PDHA1: variants seen among roughly 807,000 people sequenced by gnomAD.
PDHA1 encodes the protein pyruvate dehydrogenase E1 component subunit alpha, somatic form, mitochondrial.
Under a neutral mutation model 33.0 loss-of-function variants are expected in PDHA1, and 1 was observed. That is an observed-to-expected ratio of 0.03 (90% CI 0.01 to 0.14). The LOEUF (loss-of-function observed/expected upper bound fraction) is 0.14. PDHA1 is among the 10% of genes least tolerant of loss of function. PDHA1 has a pLI of 1.00. For synonymous variants in PDHA1, 123 were observed against 119.2 expected (o/e 1.03, Z -0.21); for missense variants, 168 against 325.1 (o/e 0.52, Z 3.72).
At chrX:19,357,884 G>T (rs1291012413) in intron 9 of PDHA1, among the ~76,000 whole-genome samples, 165 bp downstream of exon 9, 2 of 112,632 alleles carry the variant, frequency 1.8e-5, no homozygotes, top group African/African-American at 3.2e-5. Flanking sequence ...CTCCTAATAA[G>T]AAAGCTTTCT....
intron 9 of PDHA1, among the ~76,000 whole-genome samples, chrX:19,358,668 C>T (rs183984681): frequency 7.4e-4 from 83 of 111,891 alleles, no homozygotes; most frequent in African/African-American, 1.8e-3. Context: ...CACCAGTGTA[C>T]GGTTTTCTAG....
chrX:19,350,682 C>T (rs908631164), intron 3 of PDHA1, among the ~76,000 whole-genome samples: 1 of 112,541 alleles, frequency 8.9e-6, no homozygotes, highest in Non-Finnish European at 1.9e-5. Context: ...TAGAGTTTTA[C>T]TATTTTAAAA....
chrX:19,350,181 A>C (rs372144541), intron 3 of PDHA1, 71 bp downstream of exon 3: 355 of 748,002 alleles, frequency 4.7e-4, no homozygotes, highest in Middle Eastern at 3.0e-4. Context: ...ATTGGGCTTT[A>C]CCCTGCCATA....
In PDHA1 at chrX:19,357,600, T is replaced by TTCTTCCAGTC. The variant is rs2063212421; in HGVS notation, c.832-51_832-42dup. 4.8e-6 allele frequency: 5 copies of TTCTTCCAGTC among 1,034,686 alleles called. No individual in the cohort carries two copies. The East Asian group carries it at 1.5e-4, about 31-fold the overall frequency. The allele number at this position is 1,034,686 out of a possible 1,213,427, so 85.3% of individuals were successfully genotyped here. A position where few individuals can be genotyped will look rare whatever the true frequency, so the allele number is the denominator to read the frequency against. On this transcript the variant is annotated intron_variant, in intron 8 of 10. Transcript: ENST00000422285. ...TTTGAGGCCGTGGATTGCCGGCCTG[T>TTCTTCCAGTC]TCTTCCAGTCATCGTTCCTAACTAA... is the stretch of plus-strand genomic sequence containing the variant.
intron 5 of PDHA1, 112 bp downstream of exon 5, chrX:19,353,285 A>G (rs2063174862): frequency 1.7e-6 from 1 of 594,594 alleles, no homozygotes; most frequent in African/African-American, 2.2e-5. Flanking sequence ...CATGTGCTGC[A>G]CAGTGACGCT....
chrX:19,358,687 G>A (rs527736015), intron 9 of PDHA1, among the ~76,000 whole-genome samples: 2 of 112,100 alleles, frequency 1.8e-5, no homozygotes, highest in African/African-American at 3.2e-5. Context: ...AGAAAAGACA[G>A]AAGCAGTTAT....
chrX:19,360,968 CAGT>C lies in PDHA1; in HGVS notation c.*1321_*1323del. ...TATGGAGGTGACGCTCGTGTCCCAGCAGTAGTAGGACATGGCCTTAGAGGTACG... is the reference window on the plus strand; with the variant it reads ...TATGGAGGTGACGCTCGTGTCCCAGCAGTAGGACATGGCCTTAGAGGTACG... On this transcript the variant is annotated 3_prime_UTR_variant, in exon 11 of 11. Transcript: ENST00000422285. 1 of 467,812 alleles carries C rather than the reference CAGT, an allele frequency of 2.1e-6. No individual in the cohort carries two copies. The highest frequency in any genetic ancestry group is 3.6e-6 in the Non-Finnish European group (1 of 278,671). The allele number at this position is 467,812 out of a possible 1,213,427, so 38.6% of individuals were successfully genotyped here. A position where few individuals can be genotyped will look rare whatever the true frequency, so the allele number is the denominator to read the frequency against.
intron 10 of PDHA1, 58 bp downstream of exon 10, chrX:19,359,082 G>C (rs764557720): frequency 4.3e-6 from 3 of 703,990 alleles, no homozygotes; most frequent in African/African-American, 2.1e-5. Flanking sequence ...CCACCCCTGG[G>C]TGGCCACAGA....
chrX:19,360,557 C>A lies in PDHA1; in HGVS notation c.*904C>A. 1 of 372,641 alleles carries A rather than the reference C, an allele frequency of 2.7e-6. No homozygotes were observed. The allele number at this position is 372,641 out of a possible 1,213,427, so 30.7% of individuals were successfully genotyped here. A position where few individuals can be genotyped will look rare whatever the true frequency, so the allele number is the denominator to read the frequency against. ...AGGCTCACTGTTTTCACAATACACA[C>A]AGTTCTATGTTTATAAATAACAGGT... On this transcript the variant is annotated 3_prime_UTR_variant, in exon 11 of 11. Coordinates refer to ENST00000422285, the MANE Select transcript of PDHA1 (RefSeq NM_000284.4).
intron 1 of PDHA1, among the ~76,000 whole-genome samples, chrX:19,347,012 T>C (rs2063138831): frequency 9.0e-6 from 1 of 110,553 alleles, no homozygotes; most frequent in South Asian, 3.8e-4. Context: ...AGTGGCACAG[T>C]CATAGCTCAC....
chrX:19,356,959 C>T (rs753431182), intron 8 of PDHA1, among the ~76,000 whole-genome samples: 1 of 111,966 alleles, frequency 8.9e-6, no homozygotes, highest in South Asian at 3.7e-4. Flanking sequence ...TCCAGACTCC[C>T]AGCAGAGCCT....
rs2063189739 is a variant in PDHA1, at chrX:19,355,481, G to A, written c.736G>A (p.Gly246Ser). 1 of 1,211,168 alleles carries A rather than the reference G, an allele frequency of 8.3e-7. No individual in the cohort carries two copies. The highest frequency in any genetic ancestry group is 1.7e-5 in the African/African-American group (1 of 57,459). Residue 246 changes from glycine (G) to serine (S), a missense_variant, in exon 7 of 11, where the codon GGC becomes AGC. Coordinates refer to ENST00000422285, the MANE Select transcript of PDHA1 (RefSeq NM_000284.4). ...AGCCAGCACTGATTACTACAAGAGA[G>A]GCGATTTCATTCCTGGGCTGAGAGT... ...AAASTDYYKRGDFIPGLRVDG... is the reference protein window; with the variant it reads ...AAASTDYYKRSDFIPGLRVDG...
chrX:19,355,226 T>C lies in PDHA1; in HGVS notation c.604-123T>C, dbSNP rs1030342833. The C allele has an allele frequency of 1.7e-5, 15 of 869,262 alleles. No homozygotes were observed. In the Admixed American group the frequency reaches 3.3e-4, roughly 19 times the overall value. 71.6% of individuals were successfully genotyped at this position (869,262 alleles called of 1,213,427 possible). A position where few individuals can be genotyped will look rare whatever the true frequency, so the allele number is the denominator to read the frequency against. On this transcript the variant is annotated intron_variant, in intron 6 of 10. Transcript: ENST00000422285. ...TTCCCTCACCACCCAAAGCTCGGTT[T>C]TAGAAGAGGAGGCTTTCTGTGCTTT... is the stretch of plus-strand genomic sequence containing the variant.
Position 19,360,497 on chromosome X carries a change from A to G in PDHA1, c.*844A>G, listed in dbSNP as rs1042453. On this transcript the variant is annotated 3_prime_UTR_variant, in exon 11 of 11. Transcript: ENST00000422285. ...AGCCTCCTGCATAGCTGGGACTACA[A>G]GTGAATTTCCTAATATTCCGGGAGG... The G allele has an allele frequency of 0.13, 36,231 of 282,893 alleles. 6,084 individuals are homozygous for G. Among genetic ancestry groups the G allele is most frequent in the African/African-American group, 0.65 (22,822 of 34,857 alleles). The allele number at this position is 282,893 out of a possible 1,213,427, so 23.3% of individuals were successfully genotyped here.
chrX:19,357,530 G>A, intron 8 of PDHA1, 122 bp from the exon 9 acceptor site: 1 of 588,514 alleles, frequency 1.7e-6, no homozygotes, highest in Non-Finnish European at 3.1e-6. Context: ...TGACAACTCA[G>A]AAGATCTGAT....
chrX:19,351,189 A>G (rs960962559), intron 3 of PDHA1, 92 bp from the exon 4 acceptor site: 3 of 890,019 alleles, frequency 3.4e-6, no homozygotes, highest in Non-Finnish European at 4.9e-6. Flanking sequence ...GACAGGTTCT[A>G]CTAGCCCACA....
chrX:19,357,142 T>A (rs1411753639), intron 8 of PDHA1, among the ~76,000 whole-genome samples: 1 of 112,379 alleles, frequency 8.9e-6, no homozygotes, highest in Non-Finnish European at 1.9e-5. Context: ...AGCCTTTTTC[T>A]TTTTTCACAG....
chrX:19,346,060 T>G (rs920303321), intron 1 of PDHA1, among the ~76,000 whole-genome samples: 1 of 112,246 alleles, frequency 8.9e-6, no homozygotes, highest in Non-Finnish European at 1.9e-5. Flanking sequence ...AGATCAACGT[T>G]TTAGTTTTTT....
chrX:19,359,037 G>GTTCATGGTGGT lies in PDHA1; in HGVS notation c.1008+16_1008+26dup. The GTTCATGGTGGT allele has an allele frequency of 9.5e-7, 1 of 1,056,360 alleles. No individual in the cohort carries two copies. The highest frequency in any genetic ancestry group is 1.3e-6 in the Non-Finnish European group (1 of 753,818). 87.1% of individuals were successfully genotyped at this position (1,056,360 alleles called of 1,213,427 possible). ...GGAAGAACTAAAGGTACAGTCACTT[G>GTTCATGGTGGT]TTCATGGTGGTTTGAAGGTTGGCTT... On this transcript the variant is annotated intron_variant, in intron 10 of 10. Coordinates refer to ENST00000422285, the MANE Select transcript of PDHA1 (RefSeq NM_000284.4).
Sources: allele counts gnomAD v4.1 joint callset (sites outside exome capture counted in the v4.1 genomes callset), GRCh38; gene constraint gnomAD v4.1.1; transcripts MANE v1.5; gene names NCBI Gene and HGNC (gene_info 2026-07-23, HGNC 2026-07-21).